CFAP47: variants seen among roughly 807,000 people sequenced by gnomAD.
CFAP47 encodes cilia- and flagella-associated protein 47.
CFAP47 carries 29 observed loss-of-function variants against 148.1 expected under a neutral mutation model. That is an observed-to-expected ratio of 0.20 (90% CI 0.15 to 0.27). The LOEUF (loss-of-function observed/expected upper bound fraction) is 0.27, where lower values mean the gene tolerates loss of function less well. CFAP47 is among the 10% of genes least tolerant of loss of function. CFAP47 has a pLI of 1.00. For missense variants in CFAP47, 1,872 were observed against 1,697.5 expected, an observed-to-expected ratio of 1.10 and a Z score of -1.81; for synonymous variants, 664 against 577.3, an observed-to-expected ratio of 1.15 and a Z score of -2.15.
Position 36,325,932 on chromosome X carries a change from C to T in CFAP47, c.8443+6625C>T, listed in dbSNP as rs782262829. On this transcript the variant is annotated intron_variant, in intron 57 of 63. Transcript: ENST00000378653. ...CTTTGTTGTTTACTTTTCATAATTTCGTTACTCTCCATAATTTCAAGTATG... is the reference window on the plus strand; with the variant it reads ...CTTTGTTGTTTACTTTTCATAATTTTGTTACTCTCCATAATTTCAAGTATG... 1.5e-3 allele frequency among the ~76,000 whole-genome samples: 169 copies of T among 111,282 alleles called. 1 individual carries two copies. The highest frequency in any genetic ancestry group is 5.0e-3 in the African/African-American group (154 of 30,659).
chrX:35,941,294 C>T lies in CFAP47; in HGVS notation c.413C>T (p.Ser138Phe), dbSNP rs868489188. Residue 138 changes from serine (S) to phenylalanine (F), a missense_variant, in exon 3 of 64, where the codon TCC becomes TTC. Coordinates refer to ENST00000378653, the MANE Select transcript of CFAP47 (RefSeq NM_001304548.2). ...TTTCTCCTCCCTAGGTTGATTCCAT[C>T]CTGTCAATTGGAAATTGAATCAGTA... ...TEIPLIGLIP[S>F]CQLEIESVVN... The T allele has an allele frequency of 8.7e-7, 1 of 1,148,168 alleles. No individual in the cohort carries two copies. The allele number at this position is 1,148,168 out of a possible 1,213,427, so 94.6% of individuals were successfully genotyped here.
At chrX:36,208,050 GAGA>G (rs1350153717) in intron 45 of CFAP47, among the ~76,000 whole-genome samples, 1 of 111,097 alleles carries the variant, frequency 9.0e-6, no homozygotes, top group Non-Finnish European at 1.9e-5. Flanking sequence ...TCTCTCTTGG[GAGA>G]AGAAGAAGAA....
intron 36 of CFAP47, among the ~76,000 whole-genome samples, chrX:36,147,156 G>A (rs7049800): frequency 0.097 from 10,872 of 111,684 alleles, 1,026 homozygotes; most frequent in African/African-American, 0.3. Flanking sequence ...GTGATTTTCC[G>A]AGACATTCAA....
At chrX:36,210,051 C>A (rs940544260) in intron 45 of CFAP47, among the ~76,000 whole-genome samples, 13 of 111,923 alleles carry the variant, frequency 1.2e-4, no homozygotes, top group Non-Finnish European at 2.4e-4. Context: ...TAGTAATGAT[C>A]AAATAATATT....
intron 30 of CFAP47, among the ~76,000 whole-genome samples, chrX:36,097,479 A>G (rs1480428730): frequency 9.0e-6 from 1 of 111,133 alleles, no homozygotes; most frequent in African/African-American, 3.3e-5. Flanking sequence ...ACTTTTTCAT[A>G]TTTGAAGGAT....
chrX:36,351,281 C>A lies in CFAP47; in HGVS notation c.8698+1149C>A, dbSNP rs782643944. On this transcript the variant is annotated intron_variant, in intron 59 of 63. Transcript: ENST00000378653. ...TTTATTCTTGACTTTAAAAAATCAACACATAGATAAATATTTTAAATATTA... is the reference window on the plus strand; with the variant it reads ...TTTATTCTTGACTTTAAAAAATCAAAACATAGATAAATATTTTAAATATTA... 6.3e-5 allele frequency among the ~76,000 whole-genome samples: 7 copies of A among 111,964 alleles called. No homozygotes were observed. In the South Asian group the frequency reaches 2.5e-3, roughly 41 times the overall value.
intron 37 of CFAP47, among the ~76,000 whole-genome samples, chrX:36,157,085 C>T (rs747969128): frequency 3.6e-5 from 4 of 110,444 alleles, no homozygotes; most frequent in South Asian, 4.0e-4. Context: ...GTTTCTTTTT[C>T]CCTTCTTCAC....
chrX:36,372,557 G>A (rs1441469082), intron 62 of CFAP47, among the ~76,000 whole-genome samples: 1 of 111,342 alleles, frequency 9.0e-6, no homozygotes, highest in African/African-American at 3.3e-5. Context: ...GCACACCTAG[G>A]CTGTGTGGCA....
At position 36,261,948 on chromosome X, in the gene CFAP47, G is replaced by A. The variant is rs1373366117; in HGVS notation, c.7444+10504G>A. ...TCCCGGACGGGTCGGCTGGCCGGGC[G>A]GGGGCTGACCCCCCACCTCCCTCCC... On this transcript the variant is annotated intron_variant, in intron 49 of 63. Coordinates refer to ENST00000378653, the MANE Select transcript of CFAP47 (RefSeq NM_001304548.2). Among the ~76,000 whole-genome samples the A allele has an allele frequency of 1.0e-4, 11 of 109,433 alleles. No individual in the cohort carries two copies. In the East Asian group the frequency reaches 3.2e-3, roughly 31 times the overall value.
chrX:36,129,439 T>A (rs1301459006), intron 33 of CFAP47, among the ~76,000 whole-genome samples: 1 of 111,026 alleles, frequency 9.0e-6, no homozygotes, highest in Non-Finnish European at 1.9e-5. Flanking sequence ...ATTATATACA[T>A]TACTTTATAT....
intron 55 of CFAP47, among the ~76,000 whole-genome samples, chrX:36,309,837 C>T (rs782696001): frequency 1.4e-4 from 16 of 110,878 alleles, no homozygotes; most frequent in African/African-American, 2.3e-4. Context: ...CAAGTTAGGA[C>T]GTTATTATTG....
At chrX:36,318,633 G>A (rs1184609395) in intron 56 of CFAP47, among the ~76,000 whole-genome samples, 2 of 112,174 alleles carry the variant, frequency 1.8e-5, no homozygotes, top group Admixed American at 9.5e-5. Flanking sequence ...CATATTCAAT[G>A]TAGATGAAAC....
At chrX:36,338,386 G>A (rs781855978) in intron 57 of CFAP47, among the ~76,000 whole-genome samples, 1 of 110,721 alleles carries the variant, frequency 9.0e-6, no homozygotes, top group Non-Finnish European at 1.9e-5. Context: ...TCTCACCCAA[G>A]CTAATCCAGT....
chrX:36,049,573 TC>T (rs1391138531), intron 26 of CFAP47, among the ~76,000 whole-genome samples: 1 of 110,115 alleles, frequency 9.1e-6, no homozygotes, highest in Non-Finnish European at 1.9e-5. Flanking sequence ...AGAATTACAG[TC>T]TACTCAATAA....
chrX:36,080,257 C>A (rs1030814011), intron 29 of CFAP47, among the ~76,000 whole-genome samples: 1 of 111,312 alleles, frequency 9.0e-6, no homozygotes, highest in Non-Finnish European at 1.9e-5. Flanking sequence ...ATTAGAATGG[C>A]GATCATTAAA....
At chrX:36,195,411 G>T (rs781889694) in intron 42 of CFAP47, among the ~76,000 whole-genome samples, 5 of 112,162 alleles carry the variant, frequency 4.5e-5, no homozygotes, top group Non-Finnish European at 9.4e-5. Flanking sequence ...AAATGGGTTG[G>T]ATGGATAAAT....
At chrX:36,364,935 TATATATATAC>T (rs1406016189) in intron 61 of CFAP47, among the ~76,000 whole-genome samples, 2 of 81,721 alleles carry the variant, frequency 2.4e-5, no homozygotes, top group African/African-American at 4.4e-5. Flanking sequence ...TATATATATA[TATATATATAC>T]ACACACACAC....
At chrX:36,069,538 A>G (rs1301255757) in intron 27 of CFAP47, among the ~76,000 whole-genome samples, 1 of 111,833 alleles carries the variant, frequency 8.9e-6, no homozygotes. Flanking sequence ...TAATTCTTAA[A>G]TATCCTAAAA....
chrX:36,165,211 TTTG>T (rs1939476177), intron 39 of CFAP47, among the ~76,000 whole-genome samples: 1 of 112,052 alleles, frequency 8.9e-6, no homozygotes, highest in Non-Finnish European at 1.9e-5. Context: ...AATTCACAAA[TTTG>T]TTATTATTGA....
Sources: allele counts gnomAD v4.1 joint callset (sites outside exome capture counted in the v4.1 genomes callset), GRCh38; gene constraint gnomAD v4.1.1; transcripts MANE v1.5; gene names NCBI Gene and HGNC (gene_info 2026-07-23, HGNC 2026-07-21).